Variants in CSMD1 observed in about 807,000 individuals in gnomAD.
CSMD1 encodes the protein CUB and Sushi multiple domains 1, also known as CUB and sushi domain-containing protein 1.
CSMD1 carries 213 observed loss-of-function variants against 417.5 expected under a neutral mutation model. That is an observed-to-expected ratio of 0.51 (90% CI 0.46 to 0.57). The LOEUF (loss-of-function observed/expected upper bound fraction) is 0.57, where lower values mean the gene tolerates loss of function less well. Among genes scored for constraint, CSMD1 ranks in the 20% least tolerant of loss-of-function variants. The pLI, the probability that CSMD1 is intolerant of heterozygous loss-of-function variation, is 0.00. For synonymous variants in CSMD1, 2,862 were observed against 1,736.8 expected (o/e 1.65, Z -16.11); for missense variants, 6,923 against 4,529.7 (o/e 1.53, Z -15.17).
At chr8:4,041,421 A>C (rs1797889905) in intron 3 of CSMD1, among the ~76,000 whole-genome samples, 1 of 152,176 alleles carries the variant, frequency 6.6e-6, no homozygotes, top group African/African-American at 2.4e-5. Context: ...ACTACGAAAA[A>C]AGCAACTTCT....
At chr8:4,052,126 T>C (rs963488321) in intron 3 of CSMD1, among the ~76,000 whole-genome samples, 12 of 151,968 alleles carry the variant, frequency 7.9e-5, no homozygotes, top group African/African-American at 2.7e-4. Context: ...GGTTTCACCA[T>C]GTTGGTCAGG....
In CSMD1 at chr8:3,289,609, C is replaced by G. The variant is rs1224184119; in HGVS notation, c.3951-5263G>C. Among the ~76,000 whole-genome samples, 3 of 139,644 alleles carry G rather than the reference C, an allele frequency of 2.1e-5. 1 individual carries two copies. The highest frequency in any genetic ancestry group is 6.8e-5 in the Admixed American group (1 of 14,664). The allele number at this position is 139,644 out of a possible 152,430, so 91.6% of individuals were successfully genotyped here. A position where few individuals can be genotyped will look rare whatever the true frequency, so the allele number is the denominator to read the frequency against. ...GAGCATTTTTTCATGTGTCTTTTGGCTGCATAAATGTCTTCTTTTGAGAAG... is the reference window on the plus strand; with the variant it reads ...GAGCATTTTTTCATGTGTCTTTTGGGTGCATAAATGTCTTCTTTTGAGAAG... On this transcript the variant is annotated intron_variant, in intron 25 of 69. Coordinates refer to ENST00000635120, the MANE Select transcript of CSMD1 (RefSeq NM_033225.6).
chr8:3,791,287 A>G (rs920156475), intron 5 of CSMD1, among the ~76,000 whole-genome samples: 12 of 152,346 alleles, frequency 7.9e-5, no homozygotes, highest in Non-Finnish European at 1.5e-4. Context: ...TGCTCTAATT[A>G]ATGAACATAA....
intron 2 of CSMD1, among the ~76,000 whole-genome samples, chr8:4,514,888 C>T (rs575958055): frequency 7.9e-5 from 12 of 152,238 alleles, no homozygotes; most frequent in African/African-American, 2.9e-4. Context: ...ACACCAAAAA[C>T]AAAGATGGCT....
At chr8:4,355,829 T>C (rs1243496302) in intron 3 of CSMD1, among the ~76,000 whole-genome samples, 1 of 152,238 alleles carries the variant, frequency 6.6e-6, no homozygotes, top group Non-Finnish European at 1.5e-5. Context: ...GATTTCTAGA[T>C]TCCAGGCCGA....
At chr8:4,880,101 T>C (rs1413438233) in intron 1 of CSMD1, among the ~76,000 whole-genome samples, 1 of 152,104 alleles carries the variant, frequency 6.6e-6, no homozygotes, top group Non-Finnish European at 1.5e-5. Flanking sequence ...TGTAATCTTA[T>C]TATTTCGGTC....
intron 5 of CSMD1, among the ~76,000 whole-genome samples, chr8:3,820,205 G>C (rs935940564): frequency 2.6e-5 from 4 of 152,206 alleles, no homozygotes; most frequent in East Asian, 1.9e-4. Flanking sequence ...TATAAACCAT[G>C]TTTGTTGAGG....
At chr8:3,915,947 C>T (rs1036601316) in intron 5 of CSMD1, among the ~76,000 whole-genome samples, 1 of 151,096 alleles carries the variant, frequency 6.6e-6, no homozygotes, top group African/African-American at 2.4e-5. Context: ...TGGCTCCAAA[C>T]TTTAGGTAAA....
At chr8:3,582,428 A>C (rs1309747523) in intron 9 of CSMD1, among the ~76,000 whole-genome samples, 1 of 152,194 alleles carries the variant, frequency 6.6e-6, no homozygotes, top group African/African-American at 2.4e-5. Context: ...TACGTATTTT[A>C]ATTGAAGAAA....
chr8:3,324,055 T>C (rs1419919833), intron 23 of CSMD1, among the ~76,000 whole-genome samples: 7 of 147,674 alleles, frequency 4.7e-5, no homozygotes, highest in African/African-American at 1.8e-4. Flanking sequence ...TTCATCATTG[T>C]TAAAATAGAC....
intron 1 of CSMD1, among the ~76,000 whole-genome samples, chr8:4,927,772 A>G (rs977034732): frequency 2.6e-5 from 4 of 152,168 alleles, no homozygotes; most frequent in Admixed American, 6.5e-5. Flanking sequence ...CCATTTGCTC[A>G]GACTGAAACC....
chr8:4,907,266 T>C (rs899759255), intron 1 of CSMD1, among the ~76,000 whole-genome samples: 2 of 152,220 alleles, frequency 1.3e-5, no homozygotes, highest in Non-Finnish European at 2.9e-5. Context: ...TTATTCTCCA[T>C]TTTGTGATGT....
chr8:3,551,856 A>G (rs1462773722), intron 10 of CSMD1, among the ~76,000 whole-genome samples: 1 of 152,130 alleles, frequency 6.6e-6, no homozygotes, highest in East Asian at 1.9e-4. Flanking sequence ...CTGAAAGATG[A>G]GGCTGCCACT....
At chr8:4,802,054 C>G (rs12675793) in intron 1 of CSMD1, among the ~76,000 whole-genome samples, 10,798 of 152,198 alleles carry the variant, frequency 0.071, 643 homozygotes, top group East Asian at 0.23. Context: ...ATGGACGTAG[C>G]TATATAGCCT....
intron 63 of CSMD1, among the ~76,000 whole-genome samples, chr8:2,956,911 G>GATATA (rs1803053654): frequency 6.6e-6 from 1 of 151,886 alleles, no homozygotes; most frequent in Non-Finnish European, 1.5e-5. Context: ...ATATGTACAT[G>GATATA]TACTATCAAC....
chr8:4,845,643 G>A (rs746496280), intron 1 of CSMD1, among the ~76,000 whole-genome samples: 62 of 152,278 alleles, frequency 4.1e-4, no homozygotes, highest in Middle Eastern at 3.4e-3. Context: ...ATTCAGTGTT[G>A]AAGAAGCACA....
At chr8:4,426,970 C>G (rs1332834524) in intron 2 of CSMD1, among the ~76,000 whole-genome samples, 1 of 151,890 alleles carries the variant, frequency 6.6e-6, no homozygotes, top group East Asian at 1.9e-4. Context: ...TAAGACTGGC[C>G]TGGTCTAGGG....
At chr8:3,037,750 C>G (rs1455746565) in intron 50 of CSMD1, among the ~76,000 whole-genome samples, 1 of 152,020 alleles carries the variant, frequency 6.6e-6, no homozygotes, top group Non-Finnish European at 1.5e-5. Flanking sequence ...AGTAGATGAC[C>G]AATTAATAGA....
chr8:4,526,808 C>A (rs1345083201), intron 2 of CSMD1, among the ~76,000 whole-genome samples: 1 of 152,094 alleles, frequency 6.6e-6, no homozygotes, highest in Admixed American at 6.5e-5. Context: ...ATACTCTAAC[C>A]CTGGAGAATA....
Sources: allele counts gnomAD v4.1 joint callset (sites outside exome capture counted in the v4.1 genomes callset), GRCh38; gene constraint gnomAD v4.1.1; transcripts MANE v1.5; gene names NCBI Gene and HGNC (gene_info 2026-07-23, HGNC 2026-07-21).